Variants in FREM2 observed in about 807,000 individuals in gnomAD.
FREM2 encodes FRAS1-related extracellular matrix protein 2.
Under a neutral mutation model 219.9 loss-of-function variants are expected in FREM2, and 119 were observed. The observed-to-expected ratio is 0.54, with a 90% CI of 0.47 to 0.63. The LOEUF (loss-of-function observed/expected upper bound fraction) is 0.63. Ranked by LOEUF, FREM2 falls within the 30% of genes least tolerant of loss-of-function variation. The pLI is 0.00. For synonymous variants in FREM2, 1,562 were observed against 1,522.8 expected, an observed-to-expected ratio of 1.03 and a Z score of -0.60; for missense variants, 4,030 against 3,993.6, an observed-to-expected ratio of 1.01 and a Z score of -0.25.
Position 38,828,395 on chromosome 13 carries a change from C to T in FREM2, c.6020-18178C>T, listed in dbSNP as rs74465216. On this transcript the variant is annotated intron_variant, in intron 6 of 23. Transcript: ENST00000280481. ...ACATGATGATATATGTATTATCTTA[C>T]GAAGTACTTATTTCACATAAGAATA... Among the ~76,000 whole-genome samples the T allele has an allele frequency of 3.2e-3, 481 of 152,160 alleles. 5 individuals carry two copies. Among genetic ancestry groups the T allele is most frequent in the African/African-American group, 0.01 (430 of 41,518 alleles).
At chr13:38,818,788 C>T (rs541731550) in intron 6 of FREM2, among the ~76,000 whole-genome samples, 11 of 152,016 alleles carry the variant, frequency 7.2e-5, no homozygotes, top group Admixed American at 5.9e-4. Context: ...CATAGTGAAA[C>T]CCCGTCTTTA....
At chr13:38,791,650 A>C (rs1024690508) in intron 6 of FREM2, among the ~76,000 whole-genome samples, 2 of 152,158 alleles carry the variant, frequency 1.3e-5, no homozygotes, top group Non-Finnish European at 2.9e-5. Flanking sequence ...GAACTCACTC[A>C]CTATCACAAG....
intron 2 of FREM2, among the ~76,000 whole-genome samples, chr13:38,748,789 A>G (rs1165940921): frequency 1.3e-5 from 2 of 152,172 alleles, no homozygotes; most frequent in African/African-American, 4.8e-5. Context: ...CAAAAAAATT[A>G]TTTTGGGAAG....
At position 38,872,824 on chromosome 13, in the gene FREM2, G is replaced by C; in HGVS notation, c.8066G>C (p.Gly2689Ala). 6.2e-7 allele frequency: 1 copy of C among 1,614,072 alleles called. No homozygotes were observed. Among genetic ancestry groups the C allele is most frequent in the African/African-American group, 1.3e-5 (1 of 75,034 alleles). Residue 2689 changes from glycine to alanine, a missense_variant, in exon 17 of 24, where the codon GGA (glycine) becomes GCA (alanine). Physicochemically the swap from Gly to Ala is moderately conservative, Grantham distance 60. Coordinates refer to ENST00000280481, the MANE Select transcript of FREM2 (RefSeq NM_207361.6). ...SYVFHSPVGVGGWQHFDLKSE... is the reference protein window; with the variant it reads ...SYVFHSPVGVAGWQHFDLKSE... ...GTGTTCCATTCCCCCGTGGGGGTAGGAGGCTGGCAGCATTTTGACTTGAAG... is the reference window on the plus strand; with the variant it reads ...GTGTTCCATTCCCCCGTGGGGGTAGCAGGCTGGCAGCATTTTGACTTGAAG...
At position 38,771,624 on chromosome 13, in the gene FREM2, G is replaced by T. The variant is rs139512655; in HGVS notation, c.5641+1816G>T. Reference sequence around the variant, plus strand: ...TGTAGGCTATACCAAATGAAACTTTGCCATAATTTCATTTCATGTATTGAT... The same window carrying T: ...TGTAGGCTATACCAAATGAAACTTTTCCATAATTTCATTTCATGTATTGAT... On this transcript the variant is annotated intron_variant, in intron 4 of 23. Transcript: ENST00000280481. Among the ~76,000 whole-genome samples the T allele has an allele frequency of 4.2e-3, 633 of 152,142 alleles. 7 individuals are homozygous for T. The highest frequency in any genetic ancestry group is 0.014 in the African/African-American group (591 of 41,500).
intron 6 of FREM2, among the ~76,000 whole-genome samples, chr13:38,789,706 G>T (rs1874481802): frequency 6.6e-6 from 1 of 150,476 alleles, no homozygotes. Context: ...GATTTATTTT[G>T]ATAACTATAT....
At chr13:38,805,135 C>T (rs1875173807) in intron 6 of FREM2, among the ~76,000 whole-genome samples, 1 of 151,950 alleles carries the variant, frequency 6.6e-6, no homozygotes. Flanking sequence ...GCTTGAAGCA[C>T]ATTTATTTGA....
chr13:38,825,232 G>T (rs1051745293), intron 6 of FREM2, among the ~76,000 whole-genome samples: 2 of 152,048 alleles, frequency 1.3e-5, no homozygotes, highest in South Asian at 2.1e-4. Flanking sequence ...TCGAAAACAA[G>T]GGCTGTGTCT....
intron 6 of FREM2, among the ~76,000 whole-genome samples, chr13:38,797,299 A>G (rs1414803053): frequency 5.3e-5 from 8 of 152,076 alleles, no homozygotes; most frequent in Admixed American, 5.2e-4. Context: ...TAGCCAGTCT[A>G]ACGGGTAAGA....
At chr13:38,720,102 A>G (rs1393667501) in intron 2 of FREM2, among the ~76,000 whole-genome samples, 1 of 152,212 alleles carries the variant, frequency 6.6e-6, no homozygotes, top group African/African-American at 2.4e-5. Context: ...AGGGAAGTGT[A>G]ACAGTGCCAA....
At chr13:38,740,531 T>C (rs1872201406) in intron 2 of FREM2, among the ~76,000 whole-genome samples, 1 of 152,188 alleles carries the variant, frequency 6.6e-6, no homozygotes, top group Admixed American at 6.5e-5. Flanking sequence ...ATATTCTCCA[T>C]TGGAAGAACA....
At chr13:38,738,353 G>A (rs572072856) in intron 2 of FREM2, among the ~76,000 whole-genome samples, 1 of 152,070 alleles carries the variant, frequency 6.6e-6, no homozygotes, top group Non-Finnish European at 1.5e-5. Flanking sequence ...ATCACCTGAG[G>A]TCAGGAGTTC....
intron 2 of FREM2, among the ~76,000 whole-genome samples, chr13:38,762,991 T>C (rs548208649): frequency 2.0e-4 from 31 of 152,316 alleles, no homozygotes; most frequent in Middle Eastern, 6.8e-3. Flanking sequence ...GGTTTGGGGT[T>C]ATTATAGAAA....
intron 13 of FREM2, among the ~76,000 whole-genome samples, chr13:38,858,645 C>G (rs73466024): frequency 2.0e-5 from 3 of 152,194 alleles, no homozygotes; most frequent in Non-Finnish European, 4.4e-5. Context: ...TATATTACAA[C>G]AGCACTTCTA....
chr13:38,693,249 T>G (rs1869971065), intron 1 of FREM2, among the ~76,000 whole-genome samples: 1 of 152,210 alleles, frequency 6.6e-6, no homozygotes, highest in South Asian at 2.1e-4. Context: ...CACCAAAATA[T>G]ACATCTAATT....
rs1354640084 is a variant in FREM2, at chr13:38,886,838, A to G, written c.*6051A>G. On this transcript the variant is annotated 3_prime_UTR_variant, in exon 24 of 24. Coordinates refer to ENST00000280481, the MANE Select transcript of FREM2 (RefSeq NM_207361.6). ...TATATTTATCTAGCCTCTGAGTGAC[A>G]TATCTGTGTGTAATGGAATTATTTG... 2 of 152,152 alleles carry G rather than the reference A, an allele frequency of 1.3e-5. No homozygotes were observed. Among genetic ancestry groups the G allele is most frequent in the African/African-American group, 4.8e-5 (2 of 41,380 alleles). 9.4% of individuals were successfully genotyped at this position (152,152 alleles called of 1,614,324 possible).
chr13:38,858,178 A>G (rs1877631686), intron 13 of FREM2, 145 bp downstream of exon 13: 1 of 729,282 alleles, frequency 1.4e-6, no homozygotes, highest in African/African-American at 1.8e-5. Context: ...CATATATAAC[A>G]CTAATCAAAT....
At position 38,687,849 on chromosome 13, in the gene FREM2, GT is replaced by G; in HGVS notation, c.506del (p.Val169AspfsTer14). The G allele has an allele frequency of 6.4e-7, 1 of 1,564,476 alleles. No homozygotes were observed. The highest frequency in any genetic ancestry group is 8.7e-7 in the Non-Finnish European group (1 of 1,151,172). On this transcript the variant is annotated frameshift_variant, in exon 1 of 24. Coordinates refer to ENST00000280481, the MANE Select transcript of FREM2 (RefSeq NM_207361.6). LOFTEE classifies it high-confidence loss of function. ...APGGAVVLPL[V>X]LEVEVVFTQL... Reference sequence around the variant, plus strand: ...CGGAGGGGCAGTAGTGCTACCACTGGTACTGGAGGTGGAGGTGGTCTTCACC... The same window carrying G: ...CGGAGGGGCAGTAGTGCTACCACTGGACTGGAGGTGGAGGTGGTCTTCACC...
chr13:38,847,548 A>C (rs1052068736), intron 7 of FREM2, among the ~76,000 whole-genome samples: 3 of 152,124 alleles, frequency 2.0e-5, no homozygotes, highest in African/African-American at 4.8e-5. Context: ...CAAATCACAG[A>C]TGAGGGGAGG....
Sources: allele counts gnomAD v4.1 joint callset (sites outside exome capture counted in the v4.1 genomes callset), GRCh38; gene constraint gnomAD v4.1.1; transcripts MANE v1.5; gene names NCBI Gene and HGNC (gene_info 2026-07-23, HGNC 2026-07-21).